Variants in NFATC3 observed in about 807,000 individuals in gnomAD.
NFATC3 encodes nuclear factor of activated T-cells, cytoplasmic 3.
A neutral mutation model predicts 98.6 loss-of-function variants in NFATC3; 46 were observed. That is an observed-to-expected ratio of 0.47 (90% CI 0.37 to 0.60). NFATC3 has a LOEUF of 0.60. Ranked by LOEUF, NFATC3 falls within the 20% of genes least tolerant of loss-of-function variation. The pLI is 0.00. For missense variants in NFATC3, 1,256 were observed against 1,295.5 expected, an observed-to-expected ratio of 0.97 and a Z score of 0.47; for synonymous variants, 512 against 472.2, an observed-to-expected ratio of 1.08 and a Z score of -1.09.
intron 3 of NFATC3, among the ~76,000 whole-genome samples, chr16:68,142,022 T>A (rs2037776864): frequency 6.6e-6 from 1 of 152,210 alleles, no homozygotes; most frequent in African/African-American, 2.4e-5. Context: ...CTTCTACGTG[T>A]GGCTGTCCTG....
intron 1 of NFATC3, among the ~76,000 whole-genome samples, chr16:68,110,772 C>T (rs1039849473): frequency 2.6e-5 from 4 of 152,066 alleles, no homozygotes; most frequent in African/African-American, 9.7e-5. Flanking sequence ...TTTTTTCTGG[C>T]TTTTTGATGT....
chr16:68,197,096 A>G (rs2040709442), intron 9 of NFATC3, among the ~76,000 whole-genome samples: 1 of 151,924 alleles, frequency 6.6e-6, no homozygotes, highest in Non-Finnish European at 1.5e-5. Flanking sequence ...GCACTGGAAT[A>G]TCTCGTTTTT....
chr16:68,189,513 G>C (rs530193840), intron 8 of NFATC3: 23 of 156,260 alleles, frequency 1.5e-4, no homozygotes, highest in African/African-American at 4.5e-4. Context: ...CTGTCACTGA[G>C]ACTTTGATAG....
chr16:68,181,664 C>T (rs2039953756), intron 7 of NFATC3, 134 bp downstream of exon 7: 2 of 607,916 alleles, frequency 3.3e-6, no homozygotes, highest in Non-Finnish European at 5.8e-6. Context: ...GGCATGGTGG[C>T]TCATGCCTGT....
intron 3 of NFATC3, among the ~76,000 whole-genome samples, chr16:68,133,917 G>A (rs1233857657): frequency 6.6e-6 from 1 of 151,340 alleles, no homozygotes; most frequent in African/African-American, 2.4e-5. Context: ...GATGGACAAA[G>A]CATTCACTTA....
chr16:68,167,914 C>T (rs1009517722), intron 5 of NFATC3, among the ~76,000 whole-genome samples: 2 of 134,774 alleles, frequency 1.5e-5, no homozygotes, highest in African/African-American at 2.7e-5. Context: ...CTCACTGCAA[C>T]CTCCACCTCC....
chr16:68,114,979 A>G (rs1471324226), intron 1 of NFATC3, among the ~76,000 whole-genome samples: 1 of 152,172 alleles, frequency 6.6e-6, no homozygotes, highest in Non-Finnish European at 1.5e-5. Context: ...CTGAAAGGCT[A>G]ATAGTCTTGT....
chr16:68,085,515 G>T lies in NFATC3; in HGVS notation c.-167G>T. 1.8e-6 allele frequency: 1 copy of T among 567,624 alleles called. No homozygotes were observed. The highest frequency in any genetic ancestry group is 2.9e-6 in the Non-Finnish European group (1 of 345,900). 35.2% of individuals were successfully genotyped at this position (567,624 alleles called of 1,614,324 possible). A position where few individuals can be genotyped will look rare whatever the true frequency, so the allele number is the denominator to read the frequency against. On this transcript the variant is annotated 5_prime_UTR_variant, in exon 1 of 10. Coordinates refer to ENST00000346183, the MANE Select transcript of NFATC3 (RefSeq NM_173165.3). ...CTGCTCGGCGCGCGGCCAGCTTTCGGAACGGAACGCTCGGCGTCGCGGGCC... is the reference window on the plus strand; with the variant it reads ...CTGCTCGGCGCGCGGCCAGCTTTCGTAACGGAACGCTCGGCGTCGCGGGCC...
chr16:68,147,022 T>C (rs1294409193), intron 3 of NFATC3, among the ~76,000 whole-genome samples: 1 of 152,264 alleles, frequency 6.6e-6, no homozygotes, highest in African/African-American at 2.4e-5. Flanking sequence ...CCTATTTTTC[T>C]TATGGTATTA....
intron 9 of NFATC3, among the ~76,000 whole-genome samples, chr16:68,223,894 C>CAAA (rs1190287100): frequency 3.4e-5 from 2 of 58,316 alleles, no homozygotes; most frequent in South Asian, 1.2e-3. Flanking sequence ...GACTCCATCT[C>CAAA]AAAAAAAAAA....
intron 1 of NFATC3, among the ~76,000 whole-genome samples, chr16:68,105,349 C>T (rs2035596908): frequency 6.6e-6 from 1 of 152,014 alleles, no homozygotes; most frequent in South Asian, 2.1e-4. Flanking sequence ...CCTCAGCCTC[C>T]CAAAGTACAG....
At chr16:68,144,989 T>C (rs2037963317) in intron 3 of NFATC3, among the ~76,000 whole-genome samples, 1 of 152,120 alleles carries the variant, frequency 6.6e-6, no homozygotes, top group South Asian at 2.1e-4. Flanking sequence ...ATTTTTTTCG[T>C]AGAGATGGCA....
chr16:68,135,557 A>G (rs1346768705), intron 3 of NFATC3, among the ~76,000 whole-genome samples: 1 of 151,916 alleles, frequency 6.6e-6, no homozygotes, highest in Non-Finnish European at 1.5e-5. Context: ...TGAATATTTA[A>G]TCAGATTATT....
At chr16:68,162,160 G>C (rs2038924990) in intron 4 of NFATC3, among the ~76,000 whole-genome samples, 1 of 152,180 alleles carries the variant, frequency 6.6e-6, no homozygotes. Context: ...GTAGATTGTG[G>C]AACAGGAGTT....
chr16:68,157,787 A>T, intron 3 of NFATC3, 82 bp from the exon 4 acceptor site: 1 of 1,103,906 alleles, frequency 9.1e-7, no homozygotes, highest in Non-Finnish European at 1.3e-6. Context: ...TGATAGAGAT[A>T]TAATAGACTT....
rs2042062576 is a variant in NFATC3, at chr16:68,227,646, C to T, written c.*1175C>T. The T allele has an allele frequency of 6.6e-6, 1 of 152,214 alleles. No individual in the cohort carries two copies. Among genetic ancestry groups the T allele is most frequent in the African/African-American group, 2.4e-5 (1 of 41,426 alleles). The allele number at this position is 152,214 out of a possible 1,614,324, so 9.4% of individuals were successfully genotyped here. A position where few individuals can be genotyped will look rare whatever the true frequency, so the allele number is the denominator to read the frequency against. Reference sequence around the variant, plus strand: ...ATGATCTAAAAACCAGCCTTTTCCCCAGAAGGCTCTGAGCACATCCAGAAG... The same window carrying T: ...ATGATCTAAAAACCAGCCTTTTCCCTAGAAGGCTCTGAGCACATCCAGAAG... On this transcript the variant is annotated 3_prime_UTR_variant, in exon 10 of 10. Transcript: ENST00000346183.
At chr16:68,104,603 G>A (rs1384724362) in intron 1 of NFATC3, among the ~76,000 whole-genome samples, 1 of 150,816 alleles carries the variant, frequency 6.6e-6, no homozygotes, top group Non-Finnish European at 1.5e-5. Context: ...CTTGGGGGAA[G>A]GCTTTTGTTT....
chr16:68,203,038 G>A (rs1192983780), intron 9 of NFATC3, among the ~76,000 whole-genome samples: 1 of 152,012 alleles, frequency 6.6e-6, no homozygotes. Flanking sequence ...ACGTGTTTAG[G>A]ATGAATGATT....
chr16:68,214,354 C>A (rs759487446), intron 9 of NFATC3: 1 of 1,614,140 alleles, frequency 6.2e-7, no homozygotes, highest in South Asian at 1.1e-5. Flanking sequence ...ACTTGGAACA[C>A]CAGCCATCAG....
Sources: allele counts gnomAD v4.1 joint callset (sites outside exome capture counted in the v4.1 genomes callset), GRCh38; gene constraint gnomAD v4.1.1; transcripts MANE v1.5; gene names NCBI Gene and HGNC (gene_info 2026-07-23, HGNC 2026-07-21).